Variants in ENOX1 observed in about 807,000 individuals in gnomAD.
The protein encoded by ENOX1 is ecto-NOX disulfide-thiol exchanger 1.
ENOX1 carries 42 observed loss-of-function variants against 82.5 expected under a neutral mutation model. The observed-to-expected ratio is 0.51, with a 90% CI of 0.40 to 0.66. The LOEUF (loss-of-function observed/expected upper bound fraction) is 0.66, where lower values mean the gene tolerates loss of function less well. ENOX1 is among the 30% of genes least tolerant of loss of function. ENOX1 has a pLI of 0.00. For missense variants in ENOX1, 608 were observed against 811.6 expected (o/e 0.75, Z 3.05); for synonymous variants, 271 against 282.2 (o/e 0.96, Z 0.40).
chr13:43,606,875 G>A (rs761380354), intron 2 of ENOX1, among the ~76,000 whole-genome samples: 25 of 152,000 alleles, frequency 1.6e-4, no homozygotes, highest in Non-Finnish European at 2.6e-4. Flanking sequence ...AAAATTAGCC[G>A]GGTATGGTGG....
chr13:43,380,439 G>A (rs9567168), intron 5 of ENOX1, among the ~76,000 whole-genome samples: 15,239 of 151,412 alleles, frequency 0.1, 865 homozygotes, highest in East Asian at 0.27. Flanking sequence ...AGCCAACAAA[G>A]GAGATAAAAT....
intron 1 of ENOX1, among the ~76,000 whole-genome samples, chr13:43,761,381 C>T (rs1432994822): frequency 6.6e-6 from 1 of 152,210 alleles, no homozygotes; most frequent in East Asian, 1.9e-4. Flanking sequence ...ATGGACTCAT[C>T]ACATTTCCAA....
rs569440812 is a variant in ENOX1, at chr13:43,632,483, T to C, written c.-219+34996A>G. ...TTTTTTAAATGGAGTTTTGCTCTTGTTGCCCAGGCTGGAGTGCAGTGGTGT... is the reference window on the plus strand; with the variant it reads ...TTTTTTAAATGGAGTTTTGCTCTTGCTGCCCAGGCTGGAGTGCAGTGGTGT... On this transcript the variant is annotated intron_variant, in intron 2 of 16. Coordinates refer to ENST00000690772, the MANE Select transcript of ENOX1 (RefSeq NM_001347969.2). Among the ~76,000 whole-genome samples the C allele has an allele frequency of 8.5e-5, 13 of 152,104 alleles. No homozygotes were observed. In the East Asian group the frequency reaches 1.9e-3, roughly 23 times the overall value.
intron 2 of ENOX1, among the ~76,000 whole-genome samples, chr13:43,633,688 A>ATGTGTG (rs59390732): frequency 0.12 from 17,776 of 150,114 alleles, 1,261 homozygotes; most frequent in Non-Finnish European, 0.17. Flanking sequence ...AAATGTGTGT[A>ATGTGTG]TGTGTGTGTG....
chr13:43,730,074 CA>C lies in ENOX1; in HGVS notation c.-285+56577del, dbSNP rs375908089. Reference sequence around the variant, plus strand: ...CCCTGTGGGGGATCCTCATCACTCTCAGGGGCATTCCCTCTCACCCATGGGG... The same window carrying C: ...CCCTGTGGGGGATCCTCATCACTCTCGGGGCATTCCCTCTCACCCATGGGG... On this transcript the variant is annotated intron_variant, in intron 1 of 16. Transcript: ENST00000690772. Among the ~76,000 whole-genome samples the C allele has an allele frequency of 2.8e-4, 42 of 152,352 alleles. 1 individual carries two copies. In the East Asian group the frequency reaches 7.9e-3, roughly 29 times the overall value.
intron 5 of ENOX1, among the ~76,000 whole-genome samples, chr13:43,365,202 T>C (rs765886536): frequency 1.3e-5 from 2 of 152,164 alleles, no homozygotes; most frequent in African/African-American, 4.8e-5. Flanking sequence ...AGTCTCATAT[T>C]TGAGATGAGA....
intron 2 of ENOX1, among the ~76,000 whole-genome samples, chr13:43,623,517 A>T (rs1861501957): frequency 6.6e-6 from 1 of 152,128 alleles, no homozygotes; most frequent in Admixed American, 6.5e-5. Context: ...ACAGACCTTC[A>T]GCTTCTCCAG....
chr13:43,239,082 G>C (rs948720005), intron 14 of ENOX1, among the ~76,000 whole-genome samples: 6 of 152,196 alleles, frequency 3.9e-5, no homozygotes, highest in African/African-American at 1.4e-4. Context: ...ATAAGACCCA[G>C]TGACTCTTGC....
intron 1 of ENOX1, among the ~76,000 whole-genome samples, chr13:43,776,306 CAT>C (rs1302985694): frequency 6.6e-6 from 1 of 152,066 alleles, no homozygotes; most frequent in African/African-American, 2.4e-5. Flanking sequence ...AGTTGACAAA[CAT>C]GTATGAAAAA....
chr13:43,281,686 T>A (rs2045393174), intron 12 of ENOX1, among the ~76,000 whole-genome samples: 1 of 152,194 alleles, frequency 6.6e-6, no homozygotes, highest in African/African-American at 2.4e-5. Context: ...AAAGTCCAGC[T>A]GCTCACAGTG....
chr13:43,360,543 CTT>C (rs2050434590), intron 6 of ENOX1, among the ~76,000 whole-genome samples: 2 of 152,088 alleles, frequency 1.3e-5, no homozygotes, highest in African/African-American at 4.8e-5. Flanking sequence ...AAAAAAACCA[CTT>C]TGTTATTATT....
intron 5 of ENOX1, among the ~76,000 whole-genome samples, chr13:43,364,566 C>A (rs1402488059): frequency 9.9e-5 from 15 of 152,080 alleles, no homozygotes. Context: ...AAAAAAAAAT[C>A]CTGTTTACTG....
At chr13:43,311,889 G>A (rs2047221998) in intron 11 of ENOX1, among the ~76,000 whole-genome samples, 1 of 152,200 alleles carries the variant, frequency 6.6e-6, no homozygotes, top group Non-Finnish European at 1.5e-5. Flanking sequence ...TAGAGAAATG[G>A]ATGGCTTTAG....
intron 2 of ENOX1, among the ~76,000 whole-genome samples, chr13:43,523,443 A>G: frequency 6.6e-6 from 1 of 152,202 alleles, no homozygotes. Context: ...AAGGAAGACA[A>G]GAATAAGGAC....
intron 3 of ENOX1, among the ~76,000 whole-genome samples, chr13:43,465,972 A>G (rs904794574): frequency 2.6e-5 from 4 of 152,164 alleles, no homozygotes; most frequent in Admixed American, 6.5e-5. Context: ...ATTCATTACC[A>G]TCACTCCAAT....
intron 3 of ENOX1, among the ~76,000 whole-genome samples, chr13:43,443,622 G>T (rs889510211): frequency 5.9e-5 from 9 of 152,100 alleles, no homozygotes; most frequent in Non-Finnish European, 1.0e-4. Context: ...GTATATAACT[G>T]ATTATAATGT....
chr13:43,453,966 CT>C (rs1390978852), intron 3 of ENOX1, among the ~76,000 whole-genome samples: 1 of 152,082 alleles, frequency 6.6e-6, no homozygotes, highest in African/African-American at 2.4e-5. Context: ...CTGAGTTCTA[CT>C]TTGCTATTAG....
At chr13:43,507,452 C>T (rs1262602907) in intron 2 of ENOX1, among the ~76,000 whole-genome samples, 2 of 151,892 alleles carry the variant, frequency 1.3e-5, no homozygotes, top group African/African-American at 2.4e-5. Flanking sequence ...GGGCAGGAAT[C>T]GAATTTCTTG....
intron 5 of ENOX1, among the ~76,000 whole-genome samples, chr13:43,377,500 G>A (rs2051722932): frequency 1.3e-5 from 2 of 152,106 alleles, no homozygotes; most frequent in South Asian, 4.1e-4. Flanking sequence ...GTTTTGGATC[G>A]TTTTCCCACG....
Sources: gnomAD v4.1 joint callset for allele counts (sites outside exome capture counted in the v4.1 genomes callset) on GRCh38, gnomAD v4.1.1 for gene constraint, MANE v1.5 for transcripts, NCBI Gene and HGNC (gene_info 2026-07-23, HGNC 2026-07-21) for gene names.